TENM3: variants seen among roughly 807,000 people sequenced by gnomAD.
TENM3 encodes teneurin-3.
In TENM3, 63 loss-of-function variants were observed where a neutral mutation model predicts 255.1. The observed-to-expected ratio is 0.25, with a 90% CI of 0.20 to 0.30. The LOEUF is 0.30. Among genes scored for constraint, TENM3 ranks in the 10% least tolerant of loss-of-function variants. TENM3 has a pLI of 1.00. For synonymous variants in TENM3, 1,306 were observed against 1,322.3 expected, an observed-to-expected ratio of 0.99 and a Z score of 0.27; for missense variants, 2,929 against 3,461.1, an observed-to-expected ratio of 0.85 and a Z score of 3.86.
At chr4:182,795,427 C>T (rs115639400) in intron 26 of TENM3, among the ~76,000 whole-genome samples, 9 of 151,838 alleles carry the variant, frequency 5.9e-5, no homozygotes, top group Non-Finnish European at 1.3e-4. Flanking sequence ...CTTACATACA[C>T]ACAAATTGTG....
intron 1 of TENM3, among the ~76,000 whole-genome samples, chr4:182,175,529 A>C (rs1752428583): frequency 1.3e-5 from 2 of 152,154 alleles, no homozygotes; most frequent in South Asian, 2.1e-4. Context: ...CCTACTTAAA[A>C]CATCTGAAAA....
At chr4:181,929,114 C>T in the TENM3 span, among the ~76,000 whole-genome samples, 7 of 152,200 alleles carry the variant, frequency 4.6e-5, no homozygotes, top group Admixed American at 2.0e-4. Flanking sequence ...GAAGAAACTG[C>T]GTCAACCAAC....
chr4:182,513,318 C>T (rs1360165335), intron 3 of TENM3, among the ~76,000 whole-genome samples: 1 of 151,876 alleles, frequency 6.6e-6, no homozygotes, highest in Admixed American at 6.6e-5. Flanking sequence ...TACTAAAAGC[C>T]TGGAAAAATT....
At chr4:182,672,403 CTA>C (rs1755296050) in intron 6 of TENM3, among the ~76,000 whole-genome samples, 2 of 152,160 alleles carry the variant, frequency 1.3e-5, no homozygotes, top group Admixed American at 1.3e-4. Context: ...TACACAAAAG[CTA>C]TGTGAGCACT....
At chr4:182,330,414 G>T (rs916287533) in intron 2 of TENM3, among the ~76,000 whole-genome samples, 1 of 152,208 alleles carries the variant, frequency 6.6e-6, no homozygotes, top group Non-Finnish European at 1.5e-5. Context: ...GTGTCCTTGT[G>T]TCTTCAGAGA....
the TENM3 span, among the ~76,000 whole-genome samples, chr4:181,876,442 G>A: frequency 6.6e-6 from 1 of 152,138 alleles, no homozygotes; most frequent in Non-Finnish European, 1.5e-5. Context: ...CTTATTTTGA[G>A]AGAGTGGCAG....
chr4:182,347,700 T>A (rs1381111618), intron 3 of TENM3, among the ~76,000 whole-genome samples: 1 of 152,234 alleles, frequency 6.6e-6, no homozygotes, highest in Non-Finnish European at 1.5e-5. Flanking sequence ...ATAATACATT[T>A]TAAAGAAAAC....
At chr4:182,758,059 G>T (rs1020368903) in intron 22 of TENM3, among the ~76,000 whole-genome samples, 10 of 152,070 alleles carry the variant, frequency 6.6e-5, no homozygotes, top group Non-Finnish European at 1.0e-4. Flanking sequence ...TTAGCAGAAA[G>T]ACTGCTTTTA....
At chr4:181,753,178 G>A in the TENM3 span, among the ~76,000 whole-genome samples, 1 of 152,192 alleles carries the variant, frequency 6.6e-6, no homozygotes, top group Non-Finnish European at 1.5e-5. Context: ...GACACCTGAA[G>A]CTAATCAGAT....
chr4:181,578,556 G>A, the TENM3 span, among the ~76,000 whole-genome samples: 2 of 152,168 alleles, frequency 1.3e-5, no homozygotes, highest in Non-Finnish European at 2.9e-5. Context: ...CCAGTGCTGA[G>A]ATCGGACTCT....
the TENM3 span, among the ~76,000 whole-genome samples, chr4:181,627,420 T>G: frequency 6.6e-6 from 1 of 152,226 alleles, no homozygotes; most frequent in African/African-American, 2.4e-5. Context: ...TGTGCCATGT[T>G]GCTGTGCTGC....
At chr4:182,336,462 A>G (rs1259603532) in intron 2 of TENM3, among the ~76,000 whole-genome samples, 3 of 152,232 alleles carry the variant, frequency 2.0e-5, no homozygotes, top group African/African-American at 7.2e-5. Context: ...AAACTGCAAA[A>G]TATTCACAGA....
intron 12 of TENM3, among the ~76,000 whole-genome samples, chr4:182,700,257 G>T (rs890742622): frequency 9.2e-5 from 14 of 152,172 alleles, no homozygotes; most frequent in Non-Finnish European, 1.5e-4. Context: ...TAATGTAAGG[G>T]TAGAGAAATT....
At chr4:181,943,905 T>C in the TENM3 span, among the ~76,000 whole-genome samples, 7 of 152,236 alleles carry the variant, frequency 4.6e-5, no homozygotes, top group African/African-American at 1.7e-4. Context: ...TAGCTCTTTC[T>C]CTATCTCGCC....
At chr4:181,856,063 GAA>G in the TENM3 span, among the ~76,000 whole-genome samples, 1 of 22,386 alleles carries the variant, frequency 4.5e-5, no homozygotes, top group Non-Finnish European at 2.1e-4. Flanking sequence ...GGGAAAGAAG[GAA>G]GGAAAGGAAG....
chr4:181,619,621 G>C, the TENM3 span, among the ~76,000 whole-genome samples: 1 of 151,694 alleles, frequency 6.6e-6, no homozygotes, highest in African/African-American at 2.4e-5. Context: ...TAGAGACGGG[G>C]TCTCACCATG....
intron 2 of TENM3, among the ~76,000 whole-genome samples, chr4:182,326,591 G>C (rs957788023): frequency 6.6e-6 from 1 of 152,160 alleles, no homozygotes; most frequent in Non-Finnish European, 1.5e-5. Context: ...CCTGACTGCA[G>C]CGGGGCAGTC....
At chr4:181,812,796 CAG>C in the TENM3 span, among the ~76,000 whole-genome samples, 6 of 152,138 alleles carry the variant, frequency 3.9e-5, no homozygotes, top group African/African-American at 1.4e-4. Context: ...CACCCATGAT[CAG>C]AGTCACAGTA....
At chr4:182,621,644 ACATAT>A (rs1299250740) in intron 4 of TENM3, among the ~76,000 whole-genome samples, 39,864 of 96,320 alleles carry the variant, frequency 0.41, 9,039 homozygotes, top group South Asian at 0.48. Context: ...AATATATAAT[ACATAT>A]TATAATATAT....
Sources: allele counts gnomAD v4.1 joint callset (sites outside exome capture counted in the v4.1 genomes callset), GRCh38; gene constraint gnomAD v4.1.1; transcripts MANE v1.5; gene names NCBI Gene and HGNC (gene_info 2026-07-23, HGNC 2026-07-21).